Variants in PIAS4 observed in about 807,000 individuals in gnomAD.
The protein encoded by PIAS4 is protein inhibitor of activated STAT 4, also known as E3 SUMO-protein ligase PIAS4.
PIAS4 carries 7 observed loss-of-function variants against 58.0 expected under a neutral mutation model. That is an observed-to-expected ratio of 0.12 (90% CI 0.07 to 0.23). PIAS4 has a LOEUF of 0.23. Ranked by LOEUF, PIAS4 falls within the 10% of genes least tolerant of loss-of-function variation. The pLI is 1.00. For missense variants in PIAS4, 550 were observed against 709.5 expected (o/e 0.78, Z 2.55); for synonymous variants, 364 against 312.4 (o/e 1.17, Z -1.74).
rs997050643 is a variant in PIAS4 at position 4,038,153 on chromosome 19, C to G, written c.*278C>G. 3 of 392,706 alleles carry G rather than the reference C, an allele frequency of 7.6e-6. No homozygotes were observed. The highest frequency in any genetic ancestry group is 2.2e-5 in the African/African-American group (1 of 46,056). The allele number at this position is 392,706 out of a possible 1,614,324, so 24.3% of individuals were successfully genotyped here. A position where few individuals can be genotyped will look rare whatever the true frequency, so the allele number is the denominator to read the frequency against. ...CCGGCCACCCACACAGCCGCCTCCC[C>G]GGCTGGAGTCCGAGCCGGGAAGGGG... On this transcript the variant is annotated 3_prime_UTR_variant, in exon 11 of 11. Transcript: ENST00000262971. The surrounding 1 kb of genome is among the most constrained non-coding windows in gnomAD (Gnocchi z 4.1).
chr19:4,037,944 A>AG lies in PIAS4; in HGVS notation c.*72dup. 1 of 1,454,462 alleles carries AG rather than the reference A, an allele frequency of 6.9e-7. No individual in the cohort carries two copies. The highest frequency in any genetic ancestry group is 9.2e-7 in the Non-Finnish European group (1 of 1,091,792). The allele number at this position is 1,454,462 out of a possible 1,614,324, so 90.1% of individuals were successfully genotyped here. On this transcript the variant is annotated 3_prime_UTR_variant, in exon 11 of 11. Coordinates refer to ENST00000262971, the MANE Select transcript of PIAS4 (RefSeq NM_015897.4). This position sits in a 1 kb window ranked among gnomAD's most constrained non-coding sequence, Gnocchi z 5.8. Reference sequence around the variant, plus strand: ...GGGCACGGGCCAGCCTCGGGCGCAGAGGGAGGAGTGACCTTTCTTTTTCTT... The same window carrying AG: ...GGGCACGGGCCAGCCTCGGGCGCAGAGGGGAGGAGTGACCTTTCTTTTTCTT...
At chr19:4,025,623 A>G (rs1259468073) in intron 3 of PIAS4, among the ~76,000 whole-genome samples, 2 of 152,076 alleles carry the variant, frequency 1.3e-5, no homozygotes, top group Non-Finnish European at 2.9e-5. Flanking sequence ...CAGCCGAGCC[A>G]GGCTTGGCCA....
chr19:4,030,629 A>G (rs546540701), intron 7 of PIAS4, among the ~76,000 whole-genome samples: 1 of 152,050 alleles, frequency 6.6e-6, no homozygotes, highest in Non-Finnish European at 1.5e-5. Context: ...AAAAAAAAAA[A>G]AAAGCCTGCC....
chr19:4,011,280 A>G (rs1285373393), intron 1 of PIAS4, among the ~76,000 whole-genome samples: 1 of 152,282 alleles, frequency 6.6e-6, no homozygotes, highest in East Asian at 1.9e-4. Context: ...GTTTCCCACC[A>G]CATCTCATTC....
rs757251659 is a variant in PIAS4, at chr19:4,037,375, C to T, written c.1144C>T (p.Leu382Phe). The change falls in exon 10 of 11, where the codon CTC becomes TTC. Residue 382 changes from leucine (L) to phenylalanine (F), a missense_variant and splice_region_variant. Leu to Phe is a conservative substitution (Grantham distance 22). Transcript: ENST00000262971. This position sits in a 1 kb window ranked among gnomAD's most constrained non-coding sequence, Gnocchi z 5.8. ...CGTCAGCTGTCCGCCTCGCCCCAGG[C>T]TCCTCTCGAAGATCCTGAGCGAGTG... The part of the protein sequence containing the change: ...APYDQLIIDG[L>F]LSKILSECED... 6 of 1,602,194 alleles carry T rather than the reference C, an allele frequency of 3.7e-6. No individual in the cohort carries two copies. Among genetic ancestry groups the T allele is most frequent in the South Asian group, 1.1e-5 (1 of 90,808 alleles).
intron 7 of PIAS4, among the ~76,000 whole-genome samples, chr19:4,032,008 G>T (rs1285831875): frequency 6.6e-6 from 1 of 152,168 alleles, no homozygotes; most frequent in Non-Finnish European, 1.5e-5. Flanking sequence ...CAGGGGAGCT[G>T]CTGGGAGCCA....
intron 2 of PIAS4, chr19:4,017,943 G>A (rs2040068716): frequency 6.6e-6 from 1 of 152,348 alleles, no homozygotes; most frequent in Non-Finnish European, 1.5e-5. Context: ...CCAAAGTGCT[G>A]GGGTTACAGG....
rs1174848935 is a variant in PIAS4, at chr19:4,016,528, G to A, written c.454+3179G>A. 4.6e-5 allele frequency among the ~76,000 whole-genome samples: 7 copies of A among 152,238 alleles called. No individual in the cohort carries two copies. In the East Asian group the frequency reaches 1.3e-3, roughly 29 times the overall value. ...AGCAAGGTAGCGTGGTCCCTGCTCA[G>A]GTGCAGCACAGAAGTGCCAGGTGAT... On this transcript the variant is annotated intron_variant, in intron 2 of 10. Coordinates refer to ENST00000262971, the MANE Select transcript of PIAS4 (RefSeq NM_015897.4).
At chr19:4,025,402 G>C (rs886284148) in intron 3 of PIAS4, among the ~76,000 whole-genome samples, 1 of 152,224 alleles carries the variant, frequency 6.6e-6, no homozygotes, top group African/African-American at 2.4e-5. Flanking sequence ...ATTCCTGCTG[G>C]GCAGGCTAAT....
chr19:4,020,517 T>A (rs573047509), intron 2 of PIAS4, among the ~76,000 whole-genome samples: 1 of 152,346 alleles, frequency 6.6e-6, no homozygotes, highest in South Asian at 2.1e-4. Flanking sequence ...TCTTCCGATA[T>A]TTTTTACACT....
At chr19:4,021,493 G>T (rs1177169710) in intron 2 of PIAS4, among the ~76,000 whole-genome samples, 1 of 152,042 alleles carries the variant, frequency 6.6e-6, no homozygotes, top group Non-Finnish European at 1.5e-5. Context: ...TACACAAATC[G>T]CAGGGGCCTG....
chr19:4,031,491 T>C (rs2040222026), intron 7 of PIAS4, among the ~76,000 whole-genome samples: 1 of 152,138 alleles, frequency 6.6e-6, no homozygotes, highest in Admixed American at 6.5e-5. Flanking sequence ...GTGTCCTGGG[T>C]TACCCCGCCC....
intron 9 of PIAS4, among the ~76,000 whole-genome samples, chr19:4,036,629 A>T (rs570192188): frequency 7.1e-6 from 1 of 140,946 alleles, no homozygotes; most frequent in African/African-American, 3.1e-5. Flanking sequence ...ACCGTCTCAC[A>T]TCTATACAGT....
At chr19:4,019,139 G>A (rs1434138300) in intron 2 of PIAS4, among the ~76,000 whole-genome samples, 3 of 152,182 alleles carry the variant, frequency 2.0e-5, no homozygotes, top group Non-Finnish European at 2.9e-5. Flanking sequence ...CAGCAGAGAC[G>A]GGGGCTTCAT....
At position 4,037,649 on chromosome 19, in the gene PIAS4, C is replaced by T. The variant is rs1362468408; in HGVS notation, c.1307C>T (p.Pro436Leu). The T allele has an allele frequency of 2.5e-6, 4 of 1,611,842 alleles. No individual in the cohort carries two copies. Among genetic ancestry groups the T allele is most frequent in the Non-Finnish European group, 3.4e-6 (4 of 1,179,780 alleles). The change falls in exon 11 of 11, where the codon CCC becomes CTC. Residue 436 changes from proline to leucine, a missense_variant. Physicochemically the swap from Pro to Leu is moderately conservative, Grantham distance 98 (BLOSUM62 -3). This residue lies in a region of PIAS4 where 188 missense variants were observed against 192.0 expected (regional missense o/e 0.98). Coordinates refer to ENST00000262971, the MANE Select transcript of PIAS4 (RefSeq NM_015897.4). The surrounding 1 kb of genome is among the most constrained non-coding windows in gnomAD (Gnocchi z 5.8). Reference sequence around the variant, plus strand: ...GACGCCAATGGGCTCCTGCCCGCCCCCAGCGTCAACGGGAGCGGTGCCCTG... The same window carrying T: ...GACGCCAATGGGCTCCTGCCCGCCCTCAGCGTCAACGGGAGCGGTGCCCTG... ...PSDANGLLPA[P>L]SVNGSGALGS...
At chr19:4,033,614 C>G in intron 9 of PIAS4, 34 bp downstream of exon 9, 1 of 1,556,696 alleles carries the variant, frequency 6.4e-7, no homozygotes, top group Middle Eastern at 1.7e-4. Flanking sequence ...GCGGCCGGAG[C>G]CGGACATCCG....
chr19:4,011,004 CA>C, intron 1 of PIAS4, among the ~76,000 whole-genome samples: 1 of 152,224 alleles, frequency 6.6e-6, no homozygotes, highest in East Asian at 1.9e-4. Context: ...GAGGACCCGA[CA>C]GTGGGCCCCG....
intron 7 of PIAS4, among the ~76,000 whole-genome samples, chr19:4,029,266 A>G (rs2289862): frequency 0.92 from 139,409 of 152,028 alleles, 64,037 homozygotes; most frequent in African/African-American, 0.94. Flanking sequence ...GTGGGGTCAC[A>G]CCTCGTGTTG....
At chr19:4,034,609 G>A (rs1404021987) in intron 9 of PIAS4, among the ~76,000 whole-genome samples, 4 of 152,232 alleles carry the variant, frequency 2.6e-5, no homozygotes, top group Admixed American at 6.5e-5. Flanking sequence ...GGCCGGGCAC[G>A]TGGGCTGCCT....
Sources: allele counts gnomAD v4.1 joint callset (sites outside exome capture counted in the v4.1 genomes callset), GRCh38; gene constraint gnomAD v4.1.1; regional missense constraint gnomAD v4.1.1; non-coding constraint Gnocchi (gnomAD v3.1); transcripts MANE v1.5; gene names NCBI Gene and HGNC (gene_info 2026-07-23, HGNC 2026-07-21).